The following CAP2 variants were observed in gnomAD, a reference collection of about 807,000 sequenced individuals.
CAP2 encodes adenylyl cyclase-associated protein 2.
In CAP2, 24 loss-of-function variants were observed where a neutral mutation model predicts 57.7. The ratio of observed to expected loss-of-function variants is 0.42; its 90% CI spans 0.30 to 0.58. The LOEUF (loss-of-function observed/expected upper bound fraction) is 0.58. Ranked by LOEUF, CAP2 falls within the 20% of genes least tolerant of loss-of-function variation. The probability of loss-of-function intolerance (pLI) is 0.22; values close to 1 mark genes in which losing one functional copy is unlikely to be tolerated. For synonymous variants in CAP2, 194 were observed against 207.2 expected (o/e 0.94, Z 0.55); for missense variants, 501 against 590.3 (o/e 0.85, Z 1.57).
intron 9 of CAP2, 75 bp from the exon 10 acceptor site, chr6:17,542,762 C>T (rs539648488): frequency 1.5e-5 from 17 of 1,164,714 alleles, no homozygotes; most frequent in African/African-American, 7.7e-5. Context: ...ATGCTGAGCT[C>T]GTACTAATTT....
At chr6:17,548,090 G>A (rs1372968358) in intron 11 of CAP2, among the ~76,000 whole-genome samples, 6 of 151,870 alleles carry the variant, frequency 4.0e-5, no homozygotes, top group African/African-American at 1.5e-4. Context: ...AATAGAGGCC[G>A]AGCGTGGTGG....
At chr6:17,413,289 A>G (rs1185617327) in intron 1 of CAP2, among the ~76,000 whole-genome samples, 3 of 152,214 alleles carry the variant, frequency 2.0e-5, no homozygotes, top group Non-Finnish European at 4.4e-5. Flanking sequence ...CAAAAATCAG[A>G]GACTCTTGAA....
At chr6:17,472,748 C>A (rs1761053729) in intron 4 of CAP2, among the ~76,000 whole-genome samples, 1 of 152,154 alleles carries the variant, frequency 6.6e-6, no homozygotes, top group Non-Finnish European at 1.5e-5. Context: ...TGTGTGATAT[C>A]ATCAGGGTTT....
At chr6:17,538,055 A>G (rs938965829) in intron 7 of CAP2, among the ~76,000 whole-genome samples, 6 of 151,890 alleles carry the variant, frequency 4.0e-5, no homozygotes, top group African/African-American at 1.5e-4. Flanking sequence ...CAACAGAACA[A>G]GACTCCATCT....
chr6:17,528,129 G>A (rs1004751988), intron 7 of CAP2, among the ~76,000 whole-genome samples: 2 of 152,152 alleles, frequency 1.3e-5, no homozygotes, highest in South Asian at 2.1e-4. Flanking sequence ...TGTAAAATAG[G>A]CTTGGTGTTA....
intron 7 of CAP2, among the ~76,000 whole-genome samples, chr6:17,524,298 G>A (rs1342361582): frequency 6.6e-6 from 1 of 152,146 alleles, no homozygotes; most frequent in Non-Finnish European, 1.5e-5. Context: ...GTCATTAAGA[G>A]CTATACTGTG....
intron 4 of CAP2, among the ~76,000 whole-genome samples, chr6:17,487,771 C>T (rs1406884699): frequency 3.3e-5 from 5 of 151,578 alleles, no homozygotes; most frequent in African/African-American, 1.2e-4. Flanking sequence ...GCACCTGGCC[C>T]AGTTTTTTTT....
At chr6:17,537,740 A>G (rs1293183757) in intron 7 of CAP2, among the ~76,000 whole-genome samples, 2 of 152,092 alleles carry the variant, frequency 1.3e-5, no homozygotes, top group Non-Finnish European at 2.9e-5. Context: ...ATAGTTCCCT[A>G]TTATAGGTAT....
At chr6:17,459,079 A>G (rs1760656327) in intron 3 of CAP2, among the ~76,000 whole-genome samples, 1 of 152,150 alleles carries the variant, frequency 6.6e-6, no homozygotes, top group Non-Finnish European at 1.5e-5. Flanking sequence ...ATGAAGCAAG[A>G]AAAAAACACC....
rs888160368 is a variant in CAP2, at chr6:17,393,618, C to G, written c.-130C>G. 1.3e-5 allele frequency: 2 copies of G among 152,334 alleles called. No individual in the cohort carries two copies. Among genetic ancestry groups the G allele is most frequent in the African/African-American group, 4.8e-5 (2 of 41,460 alleles). 9.4% of individuals were successfully genotyped at this position (152,334 alleles called of 1,614,324 possible). A position where few individuals can be genotyped will look rare whatever the true frequency, so the allele number is the denominator to read the frequency against. ...GCGACTCTCCCCTGGAGCAGCGTGACTGACACCGGCTCCTATTCAGCTGGG... is the reference window on the plus strand; with the variant it reads ...GCGACTCTCCCCTGGAGCAGCGTGAGTGACACCGGCTCCTATTCAGCTGGG... On this transcript the variant is annotated 5_prime_UTR_variant, in exon 1 of 13. Coordinates refer to ENST00000229922, the MANE Select transcript of CAP2 (RefSeq NM_006366.3).
intron 7 of CAP2, chr6:17,536,190 T>G (rs1016621214): frequency 4.4e-6 from 2 of 456,524 alleles, no homozygotes; most frequent in African/African-American, 4.0e-5. Flanking sequence ...TGGCCAGACA[T>G]AAGAGAATAT....
rs755669912 is a variant in CAP2, at chr6:17,531,214, C to T, written c.637-8055C>T. On this transcript the variant is annotated intron_variant, in intron 7 of 12. Coordinates refer to ENST00000229922, the MANE Select transcript of CAP2 (RefSeq NM_006366.3). Reference sequence around the variant, plus strand: ...TTTACTGACTTCAGAATTGGGTACCCCCATGCAGTGTATGGCTCTACAATC... The same window carrying T: ...TTTACTGACTTCAGAATTGGGTACCTCCATGCAGTGTATGGCTCTACAATC... The T allele has an allele frequency of 1.3e-4, 99 of 772,806 alleles. 4 individuals are homozygous for T. Among genetic ancestry groups the T allele is most frequent in the South Asian group, 1.2e-3 (88 of 74,626 alleles). 47.9% of individuals were successfully genotyped at this position (772,806 alleles called of 1,614,324 possible).
intron 12 of CAP2, 63 bp from the exon 13 acceptor site, chr6:17,556,296 A>G (rs72835465): frequency 0.017 from 19,529 of 1,174,244 alleles, 243 homozygotes; most frequent in East Asian, 0.027. Context: ...TTGCAAAAGG[A>G]AGCCTTAGTT....
At chr6:17,420,937 A>T (rs1759424598) in intron 1 of CAP2, among the ~76,000 whole-genome samples, 1 of 152,206 alleles carries the variant, frequency 6.6e-6, no homozygotes, top group Non-Finnish European at 1.5e-5. Flanking sequence ...GCATGCACAC[A>T]CATTTATAGC....
chr6:17,418,999 C>T (rs546957266), intron 1 of CAP2, among the ~76,000 whole-genome samples: 18 of 152,256 alleles, frequency 1.2e-4, no homozygotes, highest in Middle Eastern at 3.4e-3. Flanking sequence ...GTGCAGAGAA[C>T]ACTGCCCCAT....
At chr6:17,406,152 T>C (rs1394380647) in intron 1 of CAP2, among the ~76,000 whole-genome samples, 1 of 152,074 alleles carries the variant, frequency 6.6e-6, no homozygotes, top group Non-Finnish European at 1.5e-5. Flanking sequence ...ATCCCCTTCT[T>C]TAGCTCTCGT....
chr6:17,531,427 C>A, intron 7 of CAP2: 1 of 1,590,168 alleles, frequency 6.3e-7, no homozygotes, highest in South Asian at 1.1e-5. Flanking sequence ...CCATCCTCGC[C>A]ATTTGAATTT....
intron 1 of CAP2, among the ~76,000 whole-genome samples, chr6:17,407,088 G>A (rs1758999185): frequency 6.6e-6 from 1 of 152,160 alleles, no homozygotes; most frequent in African/African-American, 2.4e-5. Flanking sequence ...GGCTGAAGTG[G>A]GCTTCTTCCT....
intron 4 of CAP2, among the ~76,000 whole-genome samples, chr6:17,500,651 C>G (rs1020285353): frequency 2.6e-5 from 4 of 151,936 alleles, no homozygotes; most frequent in Admixed American, 1.3e-4. Flanking sequence ...AACTTAACAG[C>G]CCCTATGTGA....
Sources: allele counts gnomAD v4.1 joint callset (sites outside exome capture counted in the v4.1 genomes callset), GRCh38; gene constraint gnomAD v4.1.1; transcripts MANE v1.5; gene names NCBI Gene and HGNC (gene_info 2026-07-23, HGNC 2026-07-21).